Variants in EZR observed in about 807,000 individuals in gnomAD.
The protein encoded by EZR is ezrin, also known as cytovillin 2.
EZR carries 40 observed loss-of-function variants against 74.8 expected under a neutral mutation model. That is an observed-to-expected ratio of 0.53 (90% CI 0.42 to 0.70). The LOEUF (loss-of-function observed/expected upper bound fraction) is 0.70, where lower values mean the gene tolerates loss of function less well. EZR is among the 30% of genes least tolerant of loss of function. The pLI is 0.00. For missense variants in EZR, 678 were observed against 755.8 expected, an observed-to-expected ratio of 0.90 and a Z score of 1.21; for synonymous variants, 341 against 283.3, an observed-to-expected ratio of 1.20 and a Z score of -2.05.
At chr6:158,781,151 G>C (rs1396063176) in intron 7 of EZR, among the ~76,000 whole-genome samples, 1 of 152,068 alleles carries the variant, frequency 6.6e-6, no homozygotes, top group Non-Finnish European at 1.5e-5. Flanking sequence ...GCAACAGCTG[G>C]CGAGTTCTCA....
At chr6:158,790,192 G>A (rs1167950906) in intron 2 of EZR, among the ~76,000 whole-genome samples, 1 of 152,160 alleles carries the variant, frequency 6.6e-6, no homozygotes, top group Admixed American at 6.5e-5. Flanking sequence ...TAGAAACTGG[G>A]CAAATTGCTT....
Position 158,818,210 on chromosome 6 carries a change from T to TC in EZR, c.-73-45dup, listed in dbSNP as rs201495719. 10,612 of 1,131,304 alleles carry TC rather than the reference T, an allele frequency of 9.4e-3. 154 individuals carry two copies. Among genetic ancestry groups the TC allele is most frequent in the African/African-American group, 0.054 (3,390 of 62,914 alleles). 70.1% of individuals were successfully genotyped at this position (1,131,304 alleles called of 1,614,324 possible). On this transcript the variant is annotated intron_variant, in intron 1 of 13. Transcript: ENST00000367075. Reference sequence around the variant, plus strand: ...CCTTAGAGCGCCCGCCCGCCCTGCCTCGTCCTCCTGCCGCGCCCGACACTC... The same window carrying TC: ...CCTTAGAGCGCCCGCCCGCCCTGCCTCCGTCCTCCTGCCGCGCCCGACACTC...
chr6:158,767,228 G>A (rs781497915), intron 13 of EZR, 33 bp downstream of exon 13: 28 of 1,595,414 alleles, frequency 1.8e-5, no homozygotes, highest in Non-Finnish European at 2.4e-5. Context: ...AAGCGAGGCA[G>A]GCTCCCTGGA....
At chr6:158,777,695 T>C (rs1227834282) in intron 7 of EZR, among the ~76,000 whole-genome samples, 1 of 152,182 alleles carries the variant, frequency 6.6e-6, no homozygotes, top group Non-Finnish European at 1.5e-5. Flanking sequence ...GGTTTCGTTA[T>C]GATCACATCA....
intron 4 of EZR, among the ~76,000 whole-genome samples, chr6:158,786,158 G>C (rs1791575603): frequency 6.6e-6 from 1 of 152,150 alleles, no homozygotes; most frequent in Non-Finnish European, 1.5e-5. Context: ...CGGACCACGA[G>C]GTCAGGAGTT....
At chr6:158,794,142 T>G (rs903533741) in intron 2 of EZR, among the ~76,000 whole-genome samples, 1 of 152,174 alleles carries the variant, frequency 6.6e-6, no homozygotes, top group African/African-American at 2.4e-5. Flanking sequence ...CCGGGCGTGG[T>G]ACCACGTGCC....
At position 158,766,845 on chromosome 6, in the gene EZR, G is replaced by A; in HGVS notation, c.*69C>T. The stretch of plus-strand genomic sequence containing the variant: ...GAGTTCCTAGACTTGGAGCACTAAA[G>A]ACACAAGCGTGGCGGGGCTGGCAGC... On this transcript the variant is annotated 3_prime_UTR_variant, in exon 14 of 14. Coordinates refer to ENST00000367075, the MANE Select transcript of EZR (RefSeq NM_001111077.2). 4.8e-6 allele frequency: 7 copies of A among 1,464,072 alleles called. No individual in the cohort carries two copies. In the South Asian group the frequency reaches 6.0e-5, roughly 13 times the overall value. The allele number at this position is 1,464,072 out of a possible 1,614,324, so 90.7% of individuals were successfully genotyped here.
chr6:158,790,687 A>AAAC (rs57771316), intron 2 of EZR, among the ~76,000 whole-genome samples: 61,757 of 134,230 alleles, frequency 0.46, 13,197 homozygotes, highest in Non-Finnish European at 0.55. Context: ...ACAAACAAAC[A>AAAC]AAAAAAACCC....
chr6:158,774,669 T>TCTCACACACA (rs1554272006), intron 8 of EZR, among the ~76,000 whole-genome samples: 1 of 73,654 alleles, frequency 1.4e-5, no homozygotes, highest in Non-Finnish European at 2.6e-5. Flanking sequence ...GGACTTATCA[T>TCTCACACACA]CAAACACACA....
In EZR at chr6:158,815,775, CAA is replaced by C. The variant is rs1405524171; in HGVS notation, c.12+2305_12+2306del. On this transcript the variant is annotated intron_variant, in intron 2 of 13. Transcript: ENST00000367075. ...GTAATCAGGCCACCTCGCCTGGCCT[CAA>C]AAAAAGTTTAAAAATTTTAATTGTA... Among the ~76,000 whole-genome samples the C allele has an allele frequency of 3.3e-5, 5 of 152,094 alleles. No homozygotes were observed. The South Asian group carries it at 1.0e-3, about 32-fold the overall frequency.
intron 8 of EZR, among the ~76,000 whole-genome samples, chr6:158,774,787 G>A (rs568242051): frequency 5.3e-4 from 80 of 151,288 alleles, no homozygotes; most frequent in Admixed American, 2.1e-3. Context: ...TTCTGAAAAG[G>A]CAGTAGCGTC....
chr6:158,814,509 T>A (rs1004708252), intron 2 of EZR, among the ~76,000 whole-genome samples: 4 of 151,256 alleles, frequency 2.6e-5, no homozygotes, highest in African/African-American at 4.9e-5. Context: ...TGCCTCGCCC[T>A]CTGTGCAGGT....
At chr6:158,768,227 C>G (rs185748469) in intron 12 of EZR, among the ~76,000 whole-genome samples, 7 of 151,914 alleles carry the variant, frequency 4.6e-5, no homozygotes, top group African/African-American at 1.7e-4. Context: ...GCATTACCCC[C>G]CTTTGCTTTT....
chr6:158,774,006 GGA>G (rs1461708154), intron 8 of EZR, among the ~76,000 whole-genome samples: 1 of 152,220 alleles, frequency 6.6e-6, no homozygotes, highest in Non-Finnish European at 1.5e-5. Flanking sequence ...CTTTTAAAAA[GGA>G]GACGCCAGTT....
intron 8 of EZR, among the ~76,000 whole-genome samples, 194 bp from the exon 9 acceptor site, chr6:158,771,601 TTATGTGTGGG>T (rs2128566432): frequency 6.6e-6 from 1 of 152,030 alleles, no homozygotes; most frequent in South Asian, 2.1e-4. Context: ...GTGTGTGCGG[TTATGTGTGGG>T]TATGTAGCAC....
At chr6:158,778,746 G>C (rs3127207) in intron 7 of EZR, among the ~76,000 whole-genome samples, 78,915 of 152,088 alleles carry the variant, frequency 0.52, 21,497 homozygotes, top group Non-Finnish European at 0.61. Flanking sequence ...AAAGAATGCA[G>C]GGCTCACACT....
At chr6:158,791,098 C>T (rs573877575) in intron 2 of EZR, among the ~76,000 whole-genome samples, 5 of 152,304 alleles carry the variant, frequency 3.3e-5, no homozygotes, top group African/African-American at 4.8e-5. Context: ...GCTCCCACCC[C>T]GTCCCAATAA....
At chr6:158,801,573 C>T (rs183679249) in intron 2 of EZR, among the ~76,000 whole-genome samples, 16 of 152,278 alleles carry the variant, frequency 1.1e-4, no homozygotes, top group South Asian at 4.1e-4. Flanking sequence ...AACATGGGTA[C>T]GCTAGTTATA....
At chr6:158,788,025 G>A (rs898675228) in intron 3 of EZR, among the ~76,000 whole-genome samples, 2 of 152,140 alleles carry the variant, frequency 1.3e-5, no homozygotes, top group African/African-American at 2.4e-5. Context: ...AGACAAGTTC[G>A]ACTATTTACA....
Sources: allele counts gnomAD v4.1 joint callset (sites outside exome capture counted in the v4.1 genomes callset), GRCh38; gene constraint gnomAD v4.1.1; transcripts MANE v1.5; gene names NCBI Gene and HGNC (gene_info 2026-07-23, HGNC 2026-07-21).